TRPM3: variants seen among roughly 807,000 people sequenced by gnomAD.
The protein encoded by TRPM3 is transient receptor potential cation channel subfamily M member 3.
A neutral mutation model predicts 181.2 loss-of-function variants in TRPM3; 77 were observed. That is an observed-to-expected ratio of 0.42 (90% CI 0.35 to 0.51). The LOEUF is 0.51. Ranked by LOEUF, TRPM3 falls within the 20% of genes least tolerant of loss-of-function variation. TRPM3 has a pLI of 0.01. For missense variants in TRPM3, 1,759 were observed against 2,196.7 expected (o/e 0.80, Z 3.98); for synonymous variants, 745 against 796.4 (o/e 0.94, Z 1.09).
intron 1 of TRPM3, 104 bp from the exon 2 acceptor site, chr9:70,864,615 G>T (rs932181129): frequency 1.6e-6 from 1 of 633,346 alleles, no homozygotes; most frequent in Non-Finnish European, 2.4e-6. Context: ...TCACATAAGA[G>T]ACTAGTATAT....
chr9:70,810,066 A>T (rs921908869), intron 6 of TRPM3: 3 of 534,618 alleles, frequency 5.6e-6, no homozygotes, highest in Non-Finnish European at 1.2e-5. Context: ...CACGAGTCAC[A>T]TGAAGAAAGA....
intron 22 of TRPM3, among the ~76,000 whole-genome samples, chr9:70,575,837 C>G (rs1382103213): frequency 6.6e-6 from 1 of 152,184 alleles, no homozygotes; most frequent in Non-Finnish European, 1.5e-5. Flanking sequence ...CACACTAACT[C>G]AAACCATTCT....
chr9:71,399,969 G>A (rs574603427), intron 1 of TRPM3, among the ~76,000 whole-genome samples: 7 of 152,188 alleles, frequency 4.6e-5, no homozygotes, highest in African/African-American at 7.2e-5. Flanking sequence ...AAAGCTAAGC[G>A]AGCTTGACCA....
intron 1 of TRPM3, among the ~76,000 whole-genome samples, chr9:71,084,003 TTGAAG>T (rs1434279332): frequency 6.6e-6 from 1 of 151,962 alleles, no homozygotes; most frequent in Non-Finnish European, 1.5e-5. Context: ...CATTGAAATC[TTGAAG>T]TGAAGTGATG....
Position 71,097,467 on chromosome 9 carries a change from C to G in TRPM3, c.177+23711G>C, listed in dbSNP as rs149480151. On this transcript the variant is annotated intron_variant, in intron 1 of 25. Coordinates refer to ENST00000677713, the MANE Select transcript of TRPM3 (RefSeq NM_001366145.2). ...TAACATATTTATATGTGAAAATATACGTACATTTTTTAGTTTAAAGGTTCT... is the reference window on the plus strand; with the variant it reads ...TAACATATTTATATGTGAAAATATAGGTACATTTTTTAGTTTAAAGGTTCT... Among the ~76,000 whole-genome samples, 1,270 of 152,020 alleles carry G rather than the reference C, an allele frequency of 8.4e-3. 16 individuals are homozygous for G. The highest frequency in any genetic ancestry group is 0.028 in the African/African-American group (1,142 of 41,458).
chr9:70,618,715 C>T, intron 17 of TRPM3, 152 bp downstream of exon 17: 1 of 707,286 alleles, frequency 1.4e-6, no homozygotes, highest in Non-Finnish European at 2.4e-6. Context: ...CAAAACCAAG[C>T]AACACTCTAC....
chr9:70,999,712 C>G (rs2097578971), intron 1 of TRPM3, among the ~76,000 whole-genome samples: 1 of 152,142 alleles, frequency 6.6e-6, no homozygotes, highest in African/African-American at 2.4e-5. Context: ...CAGTATTTGA[C>G]TCATATGTTG....
At chr9:70,933,634 A>G (rs1251394718) in intron 1 of TRPM3, among the ~76,000 whole-genome samples, 1 of 152,120 alleles carries the variant, frequency 6.6e-6, no homozygotes, top group Non-Finnish European at 1.5e-5. Context: ...AAGGATTTCA[A>G]AAGTTTTGTT....
chr9:71,061,451 A>G (rs1040969157), intron 1 of TRPM3, among the ~76,000 whole-genome samples: 2 of 152,062 alleles, frequency 1.3e-5, no homozygotes, highest in African/African-American at 2.4e-5. Flanking sequence ...TGGTGTCAGG[A>G]AAGTTGGATA....
chr9:71,421,806 T>C (rs1009089303), intron 1 of TRPM3, among the ~76,000 whole-genome samples: 5 of 151,962 alleles, frequency 3.3e-5, no homozygotes, highest in African/African-American at 1.2e-4. Flanking sequence ...CTTCTAAACA[T>C]AGCAAAACGT....
chr9:70,759,940 A>C (rs564596748), intron 8 of TRPM3, among the ~76,000 whole-genome samples: 1 of 152,144 alleles, frequency 6.6e-6, no homozygotes, highest in Non-Finnish European at 1.5e-5. Context: ...TGAATGTTCT[A>C]CACAAGTATC....
At chr9:71,295,606 G>C (rs571672949) in intron 1 of TRPM3, among the ~76,000 whole-genome samples, 2 of 148,168 alleles carry the variant, frequency 1.3e-5, no homozygotes, top group Non-Finnish European at 3.0e-5. Context: ...GAGGCAGGAG[G>C]ATAGCTTGAG....
intron 21 of TRPM3, among the ~76,000 whole-genome samples, chr9:70,593,027 G>A (rs1228948350): frequency 6.6e-6 from 1 of 152,164 alleles, no homozygotes; most frequent in Admixed American, 6.5e-5. Context: ...ACTGTGCCCG[G>A]CCACGATTTT....
intron 1 of TRPM3, among the ~76,000 whole-genome samples, chr9:71,379,842 T>C (rs931489397): frequency 6.6e-6 from 1 of 152,016 alleles, no homozygotes; most frequent in African/African-American, 2.4e-5. Flanking sequence ...AAACTTCCTA[T>C]ACTTGTCTTG....
At chr9:70,796,231 G>C (rs1458051767) in intron 6 of TRPM3, among the ~76,000 whole-genome samples, 3 of 152,172 alleles carry the variant, frequency 2.0e-5, no homozygotes, top group Non-Finnish European at 4.4e-5. Flanking sequence ...AATTAATAAG[G>C]AGCAAAGCAG....
intron 1 of TRPM3, among the ~76,000 whole-genome samples, chr9:71,067,339 G>A (rs1317495033): frequency 6.6e-6 from 1 of 152,126 alleles, no homozygotes; most frequent in African/African-American, 2.4e-5. Flanking sequence ...AACTGCTGTT[G>A]ATCTTTTAGT....
At chr9:70,890,799 T>TA (rs2096187752) in intron 1 of TRPM3, among the ~76,000 whole-genome samples, 1 of 151,810 alleles carries the variant, frequency 6.6e-6, no homozygotes, top group African/African-American at 2.4e-5. Context: ...ACATGGTATC[T>TA]AAAAACAGGG....
chr9:71,259,804 G>A (rs1350922127), intron 1 of TRPM3, among the ~76,000 whole-genome samples: 2 of 151,958 alleles, frequency 1.3e-5, no homozygotes, highest in African/African-American at 4.8e-5. Context: ...TTGCCAGAAG[G>A]TTTGCAAAAA....
At chr9:70,658,460 A>G (rs2060668856) in intron 9 of TRPM3, among the ~76,000 whole-genome samples, 1 of 152,156 alleles carries the variant, frequency 6.6e-6, no homozygotes, top group Non-Finnish European at 1.5e-5. Flanking sequence ...TCAAATATGA[A>G]ATGGTGTTTG....
Sources: allele counts gnomAD v4.1 joint callset (sites outside exome capture counted in the v4.1 genomes callset), GRCh38; gene constraint gnomAD v4.1.1; transcripts MANE v1.5; gene names NCBI Gene and HGNC (gene_info 2026-07-23, HGNC 2026-07-21).